SDK1: variants seen among roughly 807,000 people sequenced by gnomAD.
The protein encoded by SDK1 is sidekick cell adhesion molecule 1, also known as protein sidekick-1.
SDK1 carries 157 observed loss-of-function variants against 245.5 expected under a neutral mutation model. The ratio of observed to expected loss-of-function variants is 0.64; its 90% CI spans 0.56 to 0.73. The LOEUF (loss-of-function observed/expected upper bound fraction) is 0.73. Ranked by LOEUF, SDK1 falls within the 30% of genes least tolerant of loss-of-function variation. The probability of loss-of-function intolerance (pLI) is 0.00; values close to 1 mark genes in which losing one functional copy is unlikely to be tolerated. For missense variants in SDK1, 3,583 were observed against 3,002.3 expected (o/e 1.19, Z -4.52); for synonymous variants, 1,647 against 1,278.5 (o/e 1.29, Z -6.15).
intron 14 of SDK1, among the ~76,000 whole-genome samples, chr7:3,998,434 A>G (rs1233764173): frequency 6.6e-6 from 1 of 152,244 alleles, no homozygotes; most frequent in Non-Finnish European, 1.5e-5. Flanking sequence ...TTTTAAAATT[A>G]TGTAGGAAAA....
At chr7:3,482,326 C>T (rs77388644) in intron 1 of SDK1, among the ~76,000 whole-genome samples, 2,177 of 152,216 alleles carry the variant, frequency 0.014, 30 homozygotes, top group Non-Finnish European at 0.023. Context: ...GGGAGGGCAG[C>T]GAGCTCTTAG....
At chr7:4,210,779 G>T (rs560013437) in intron 38 of SDK1, among the ~76,000 whole-genome samples, 1 of 152,338 alleles carries the variant, frequency 6.6e-6, no homozygotes, top group South Asian at 2.1e-4. Context: ...GCTTTCCTGC[G>T]TCCAGGCAGT....
intron 32 of SDK1, among the ~76,000 whole-genome samples, chr7:4,172,944 C>A (rs1264422394): frequency 6.6e-6 from 1 of 152,200 alleles, no homozygotes; most frequent in African/African-American, 2.4e-5. Context: ...ATTGCACGTG[C>A]AAAGACCCTG....
chr7:4,231,288 G>C (rs912279482), intron 40 of SDK1, among the ~76,000 whole-genome samples: 4 of 152,000 alleles, frequency 2.6e-5, no homozygotes, highest in African/African-American at 9.7e-5. Context: ...TAATGGCCAG[G>C]CATAGTGGCT....
intron 35 of SDK1, among the ~76,000 whole-genome samples, chr7:4,194,083 C>T (rs188589419): frequency 6.6e-6 from 1 of 152,154 alleles, no homozygotes; most frequent in Admixed American, 6.5e-5. Context: ...CTCCGGAAAC[C>T]GCAAAACCAA....
intron 1 of SDK1, among the ~76,000 whole-genome samples, chr7:3,471,640 GTGT>G (rs1375809753): frequency 6.6e-6 from 1 of 152,178 alleles, no homozygotes; most frequent in Non-Finnish European, 1.5e-5. Context: ...AGAGTAAGAA[GTGT>G]TGTCAACTTC....
Position 4,268,883 on chromosome 7 carries a change from T to C in SDK1, c.*3499T>C, listed in dbSNP as rs934338614. On this transcript the variant is annotated 3_prime_UTR_variant, in exon 45 of 45. Coordinates refer to ENST00000404826, the MANE Select transcript of SDK1 (RefSeq NM_152744.4). ...GGTCCCTAAACGTTCCCTACAACTTTTTCTGAAATTGTGCAGAAAAACAGA... is the reference window on the plus strand; with the variant it reads ...GGTCCCTAAACGTTCCCTACAACTTCTTCTGAAATTGTGCAGAAAAACAGA... 3 of 480,752 alleles carry C rather than the reference T, an allele frequency of 6.2e-6. No individual in the cohort carries two copies. Among genetic ancestry groups the C allele is most frequent in the Non-Finnish European group, 1.1e-5 (3 of 268,448 alleles). 29.8% of individuals were successfully genotyped at this position (480,752 alleles called of 1,614,324 possible).
intron 1 of SDK1, among the ~76,000 whole-genome samples, chr7:3,497,742 G>C (rs1253494709): frequency 3.3e-5 from 5 of 152,126 alleles, no homozygotes; most frequent in Non-Finnish European, 7.4e-5. Context: ...ATGCTATTTA[G>C]GCCATGGAGA....
intron 35 of SDK1, among the ~76,000 whole-genome samples, chr7:4,184,788 A>T (rs1782788150): frequency 6.6e-6 from 1 of 152,352 alleles, no homozygotes; most frequent in Admixed American, 6.5e-5. Flanking sequence ...AAGAATCATT[A>T]TTAACTCCTG....
At chr7:3,540,556 A>C (rs1239683517) in intron 1 of SDK1, among the ~76,000 whole-genome samples, 1 of 152,216 alleles carries the variant, frequency 6.6e-6, no homozygotes, top group African/African-American at 2.4e-5. Flanking sequence ...ACTTTAAGGA[A>C]GGCTGGTCAA....
intron 11 of SDK1, 68 bp downstream of exon 11, chr7:3,969,492 T>G (rs1782321971): frequency 2.3e-6 from 3 of 1,284,920 alleles, no homozygotes; most frequent in Non-Finnish European, 3.1e-6. Flanking sequence ...ATCGTGTGCT[T>G]TGGGGATGTC....
intron 1 of SDK1, among the ~76,000 whole-genome samples, chr7:3,332,346 C>T (rs906301635): frequency 5.9e-5 from 9 of 152,238 alleles, no homozygotes; most frequent in African/African-American, 2.2e-4. Context: ...TCAGTGCCGT[C>T]AGTTGTTCTC....
chr7:3,480,309 G>T (rs1781475560), intron 1 of SDK1, among the ~76,000 whole-genome samples: 1 of 152,168 alleles, frequency 6.6e-6, no homozygotes, highest in African/African-American at 2.4e-5. Context: ...AAAACCTAAG[G>T]AAATGGAGCC....
At chr7:3,460,996 A>G (rs1780815880) in intron 1 of SDK1, among the ~76,000 whole-genome samples, 1 of 152,226 alleles carries the variant, frequency 6.6e-6, no homozygotes, top group Non-Finnish European at 1.5e-5. Context: ...TGAGGACCAT[A>G]CATATCTGAC....
rs576057785 is a variant in SDK1 at position 4,179,203 on chromosome 7, A to T, written c.5098+617A>T. ...CAACGCCATTCCTTCGGCCAAGGAGACCACAGAACCTCACCCTCCTCGCTG... is the reference window on the plus strand; with the variant it reads ...CAACGCCATTCCTTCGGCCAAGGAGTCCACAGAACCTCACCCTCCTCGCTG... On this transcript the variant is annotated intron_variant, in intron 35 of 44. Coordinates refer to ENST00000404826, the MANE Select transcript of SDK1 (RefSeq NM_152744.4). The T allele has an allele frequency of 2.6e-5, 4 of 152,394 alleles. No homozygotes were observed. The East Asian group carries it at 7.7e-4, about 30-fold the overall frequency. The allele number at this position is 152,394 out of a possible 1,614,324, so 9.4% of individuals were successfully genotyped here.
chr7:3,768,959 G>T (rs905263054), intron 4 of SDK1, among the ~76,000 whole-genome samples: 4 of 152,166 alleles, frequency 2.6e-5, no homozygotes, highest in Non-Finnish European at 5.9e-5. Flanking sequence ...GTCTTGCCCT[G>T]TTAAGACCAA....
intron 16 of SDK1, among the ~76,000 whole-genome samples, chr7:4,015,822 A>C (rs1456027073): frequency 6.6e-6 from 1 of 152,154 alleles, no homozygotes; most frequent in Non-Finnish European, 1.5e-5. Context: ...CTTGCTACTC[A>C]AGGGCCATCT....
chr7:4,059,176 A>G (rs972991724), intron 19 of SDK1, among the ~76,000 whole-genome samples: 12 of 152,198 alleles, frequency 7.9e-5, no homozygotes, highest in South Asian at 4.1e-4. Context: ...AAAACAAACC[A>G]TGACCCAACT....
rs377444439 is a variant in SDK1, at chr7:3,829,613, A to G, written c.847+8030A>G. The stretch of plus-strand genomic sequence containing the variant: ...CAATGAAAGCAGAACAACATATACC[A>G]TGGAGGCTGGGTGTGCTCTTGAGGT... On this transcript the variant is annotated intron_variant, in intron 5 of 44. Transcript: ENST00000404826. Among the ~76,000 whole-genome samples the G allele has an allele frequency of 2.5e-3, 379 of 152,308 alleles. 5 individuals carry two copies. In the South Asian group the frequency reaches 0.031, roughly 12 times the overall value.
Sources: gnomAD v4.1 joint callset for allele counts (sites outside exome capture counted in the v4.1 genomes callset) on GRCh38, gnomAD v4.1.1 for gene constraint, MANE v1.5 for transcripts, NCBI Gene and HGNC (gene_info 2026-07-23, HGNC 2026-07-21) for gene names.